Variants in CSMD3 observed in about 807,000 individuals in gnomAD.
CSMD3 encodes the protein CUB and sushi domain-containing protein 3.
A neutral mutation model predicts 435.2 loss-of-function variants in CSMD3; 177 were observed. That is an observed-to-expected ratio of 0.41 (90% CI 0.36 to 0.46). CSMD3 has a LOEUF of 0.46. Among genes scored for constraint, CSMD3 ranks in the 20% least tolerant of loss-of-function variants. CSMD3 has a pLI of 0.34. For missense variants in CSMD3, 4,265 were observed against 4,504.6 expected, an observed-to-expected ratio of 0.95 and a Z score of 1.52; for synonymous variants, 1,656 against 1,520.5, an observed-to-expected ratio of 1.09 and a Z score of -2.07.
chr8:113,264,771 G>A (rs1648814546), intron 3 of CSMD3, among the ~76,000 whole-genome samples: 1 of 151,540 alleles, frequency 6.6e-6, no homozygotes, highest in Non-Finnish European at 1.5e-5. Flanking sequence ...ATGTAAATAT[G>A]TATGAATATC....
chr8:112,265,068 A>G (rs1342928924), intron 60 of CSMD3, among the ~76,000 whole-genome samples: 1 of 152,092 alleles, frequency 6.6e-6, no homozygotes, highest in Non-Finnish European at 1.5e-5. Flanking sequence ...CAAGTGGATC[A>G]GCAAATTACA....
chr8:113,300,808 G>T (rs775736215), intron 2 of CSMD3, among the ~76,000 whole-genome samples: 46 of 152,012 alleles, frequency 3.0e-4, no homozygotes, highest in South Asian at 2.1e-4. Context: ...CCCATGTAAT[G>T]ACCCTGCACA....
At chr8:112,720,454 C>A (rs1456042801) in intron 13 of CSMD3, among the ~76,000 whole-genome samples, 1 of 152,060 alleles carries the variant, frequency 6.6e-6, no homozygotes, top group Non-Finnish European at 1.5e-5. Context: ...ATATTAAAAT[C>A]CTCTACAGTG....
intron 5 of CSMD3, among the ~76,000 whole-genome samples, chr8:113,074,404 A>C (rs1160421955): frequency 6.6e-6 from 1 of 151,928 alleles, no homozygotes; most frequent in African/African-American, 2.4e-5. Context: ...AGTTATTTCA[A>C]TTTGGAAACT....
intron 27 of CSMD3, among the ~76,000 whole-genome samples, chr8:112,518,655 AGG>A (rs913462750): frequency 1.3e-4 from 19 of 150,738 alleles, no homozygotes; most frequent in Middle Eastern, 3.4e-3. Context: ...AGAGAGAGAG[AGG>A]GAAACTTACT....
At chr8:113,190,228 C>T (rs1262633747) in intron 3 of CSMD3, among the ~76,000 whole-genome samples, 1 of 151,886 alleles carries the variant, frequency 6.6e-6, no homozygotes, top group East Asian at 1.9e-4. Flanking sequence ...AATATATACT[C>T]CTTTTCTCAC....
At chr8:113,145,222 G>C (rs1310432861) in intron 4 of CSMD3, among the ~76,000 whole-genome samples, 1 of 151,514 alleles carries the variant, frequency 6.6e-6, no homozygotes, top group Admixed American at 6.6e-5. Flanking sequence ...AAATTTGAAG[G>C]CTATTGTAAA....
At chr8:113,215,122 A>T (rs1366776414) in intron 3 of CSMD3, among the ~76,000 whole-genome samples, 1 of 151,888 alleles carries the variant, frequency 6.6e-6, no homozygotes, top group African/African-American at 2.4e-5. Context: ...TTTAAAGATA[A>T]ATAGGAGAAG....
At chr8:113,222,520 A>G (rs887019745) in intron 3 of CSMD3, among the ~76,000 whole-genome samples, 3 of 151,090 alleles carry the variant, frequency 2.0e-5, no homozygotes, top group African/African-American at 7.3e-5. Flanking sequence ...ACACATTTTC[A>G]AAGTACTGTA....
intron 4 of CSMD3, among the ~76,000 whole-genome samples, chr8:113,117,898 A>G (rs571815468): frequency 2.0e-5 from 3 of 152,320 alleles, no homozygotes; most frequent in African/African-American, 7.2e-5. Flanking sequence ...TATTTGCCCA[A>G]TGCCTATATC....
At chr8:112,258,970 C>T (rs1332092034) in intron 61 of CSMD3, among the ~76,000 whole-genome samples, 1 of 151,834 alleles carries the variant, frequency 6.6e-6, no homozygotes, top group Non-Finnish European at 1.5e-5. Flanking sequence ...ACCCGGGAGG[C>T]GGAGCTTGCA....
At chr8:112,695,312 T>G (rs1217715570) in intron 13 of CSMD3, among the ~76,000 whole-genome samples, 1 of 152,236 alleles carries the variant, frequency 6.6e-6, no homozygotes, top group Non-Finnish European at 1.5e-5. Flanking sequence ...AGTATTGTGT[T>G]ATGTATATCA....
In CSMD3 at chr8:113,436,848, C is replaced by T; in HGVS notation, c.7G>A (p.Gly3Arg). 2 of 1,614,048 alleles carry T rather than the reference C, an allele frequency of 1.2e-6. No individual in the cohort carries two copies. The highest frequency in any genetic ancestry group is 8.5e-7 in the Non-Finnish European group (1 of 1,180,050). Residue 3 changes from glycine (G) to arginine (R), a missense_variant, in exon 1 of 71, where the codon GGG (glycine) becomes AGG (arginine). By Grantham distance (125) the Gly-to-Arg change is moderately radical. Coordinates refer to ENST00000297405, the MANE Select transcript of CSMD3 (RefSeq NM_198123.2). MK[G>R]IRKGESRAKE... is the part of the protein sequence containing the mutation. ...GCTCGGCTTTCCCCTTTGCGGATCC[C>T]TTTCATATTATTCGCGAGCTCCTAA...
chr8:112,370,082 A>T (rs12678382), intron 38 of CSMD3, among the ~76,000 whole-genome samples: 1,367 of 102,762 alleles, frequency 0.013, 13 homozygotes, highest in African/African-American at 0.019. Flanking sequence ...GAAGAAGAAG[A>T]AGTAGTAGTA....
At chr8:112,853,393 T>C (rs1184706175) in intron 11 of CSMD3, among the ~76,000 whole-genome samples, 4 of 152,070 alleles carry the variant, frequency 2.6e-5, no homozygotes, top group Non-Finnish European at 5.9e-5. Context: ...GCCTGGCTAA[T>C]TTTTGTATTT....
At chr8:112,295,038 C>A (rs1050744401) in intron 54 of CSMD3, among the ~76,000 whole-genome samples, 1 of 152,052 alleles carries the variant, frequency 6.6e-6, no homozygotes, top group African/African-American at 2.4e-5. Flanking sequence ...TGTAATCTCT[C>A]ATCTATCACT....
At chr8:113,344,348 T>A (rs2132865601) in intron 1 of CSMD3, among the ~76,000 whole-genome samples, 1 of 152,232 alleles carries the variant, frequency 6.6e-6, no homozygotes, top group African/African-American at 2.4e-5. Flanking sequence ...CCAGTTAGAT[T>A]TCAAAGTCTT....
At chr8:112,261,458 T>A (rs983430676) in intron 61 of CSMD3, among the ~76,000 whole-genome samples, 46 of 152,196 alleles carry the variant, frequency 3.0e-4, no homozygotes, top group African/African-American at 1.1e-3. Flanking sequence ...ATACTTTGTG[T>A]CATCCTAAAT....
chr8:113,389,276 C>T (rs907519349), intron 1 of CSMD3, among the ~76,000 whole-genome samples: 4 of 151,542 alleles, frequency 2.6e-5, no homozygotes, highest in Non-Finnish European at 4.4e-5. Flanking sequence ...AATTTATCCT[C>T]TTTATGTTCT....
Sources: gnomAD v4.1 joint callset for allele counts (sites outside exome capture counted in the v4.1 genomes callset) on GRCh38, gnomAD v4.1.1 for gene constraint, MANE v1.5 for transcripts, NCBI Gene and HGNC (gene_info 2026-07-23, HGNC 2026-07-21) for gene names.